Variants in CRYZL1 observed in about 807,000 individuals in gnomAD.
The protein encoded by CRYZL1 is ferry endosomal RAB5 effector complex subunit 4.
A neutral mutation model predicts 50.6 loss-of-function variants in CRYZL1; 34 were observed. The observed-to-expected ratio is 0.67, with a 90% CI of 0.51 to 0.89. CRYZL1 has a LOEUF of 0.89. Ranked by LOEUF, CRYZL1 falls within the 40% of genes least tolerant of loss-of-function variation. The pLI is 0.00. For synonymous variants in CRYZL1, 125 were observed against 134.3 expected (o/e 0.93, Z 0.48); for missense variants, 354 against 402.3 (o/e 0.88, Z 1.03).
Position 33,589,707 on chromosome 21 carries a change from CT to C in CRYZL1, c.*114del, listed in dbSNP as rs2086622294. 1.4e-6 allele frequency: 1 copy of C among 689,690 alleles called. No homozygotes were observed. The highest frequency in any genetic ancestry group is 1.8e-5 in the African/African-American group (1 of 55,376). The allele number at this position is 689,690 out of a possible 1,614,324, so 42.7% of individuals were successfully genotyped here. A position where few individuals can be genotyped will look rare whatever the true frequency, so the allele number is the denominator to read the frequency against. On this transcript the variant is annotated 3_prime_UTR_variant, in exon 13 of 13. Coordinates refer to ENST00000381554, the MANE Select transcript of CRYZL1 (RefSeq NM_145858.3). ...CATCTTGTCTTAGCAGAGAAACGTG[CT>C]TAAAAATGCAACTTGTTTTATCTTC...
chr21:33,590,286 G>A (rs1332259966), intron 12 of CRYZL1, among the ~76,000 whole-genome samples: 1 of 152,034 alleles, frequency 6.6e-6, no homozygotes, highest in Non-Finnish European at 1.5e-5. Context: ...CAAAGTGCTG[G>A]GATTACAGGC....
At position 33,616,475 on chromosome 21, in the gene CRYZL1, A is replaced by G. The variant is rs181272637; in HGVS notation, c.262+231T>C. On this transcript the variant is annotated intron_variant, in intron 5 of 12. Coordinates refer to ENST00000381554, the MANE Select transcript of CRYZL1 (RefSeq NM_145858.3). ...GCCTGGCTAATTTTGTATTTTTAGT[A>G]GAGACGAGGTTTCTCCATGTTGGTC... is the stretch of plus-strand genomic sequence containing the variant. 8.9e-3 allele frequency: 4,605 copies of G among 516,322 alleles called. 33 individuals are homozygous for G. The highest frequency in any genetic ancestry group is 0.026 in the Middle Eastern group (72 of 2,718). 32.0% of individuals were successfully genotyped at this position (516,322 alleles called of 1,614,324 possible). A position where few individuals can be genotyped will look rare whatever the true frequency, so the allele number is the denominator to read the frequency against.
chr21:33,634,624 T>C lies in CRYZL1; in HGVS notation c.-6-3067A>G, dbSNP rs370657395. 2.2e-4 allele frequency among the ~76,000 whole-genome samples: 33 copies of C among 152,080 alleles called. No homozygotes were observed. In the East Asian group the frequency reaches 3.3e-3, roughly 15 times the overall value. On this transcript the variant is annotated intron_variant, in intron 1 of 12. Coordinates refer to ENST00000381554, the MANE Select transcript of CRYZL1 (RefSeq NM_145858.3). ...TTAAATAAAAAAAAAAACAACTCTGTTCCTACTCAGTCTGGAGTTACTAGA... is the reference window on the plus strand; with the variant it reads ...TTAAATAAAAAAAAAAACAACTCTGCTCCTACTCAGTCTGGAGTTACTAGA...
At chr21:33,641,291 G>GGAA in intron 1 of CRYZL1, 1 of 1,549,478 alleles carries the variant, frequency 6.5e-7, no homozygotes, top group Non-Finnish European at 8.7e-7. Context: ...AAAGTGATGA[G>GGAA]GAAGAAAGAA....
chr21:33,625,388 C>T (rs2087049604), intron 2 of CRYZL1, among the ~76,000 whole-genome samples: 1 of 152,146 alleles, frequency 6.6e-6, no homozygotes, highest in African/African-American at 2.4e-5. Flanking sequence ...ATCTCCTGAC[C>T]TTGTGATCCG....
intron 5 of CRYZL1, chr21:33,616,491 C>T (rs755483889): frequency 1.0e-5 from 7 of 667,122 alleles, no homozygotes; most frequent in Admixed American, 3.2e-5. Context: ...GAGGTTTCTC[C>T]ATGTTGGTCA....
chr21:33,641,068 C>A, intron 1 of CRYZL1: 1 of 1,491,356 alleles, frequency 6.7e-7, no homozygotes, highest in South Asian at 1.3e-5. Flanking sequence ...TTGTACTGGA[C>A]AGAGTTCAGG....
intron 6 of CRYZL1, among the ~76,000 whole-genome samples, chr21:33,608,457 T>G (rs1039254438): frequency 6.6e-6 from 1 of 152,132 alleles, no homozygotes; most frequent in Non-Finnish European, 1.5e-5. Context: ...CTCCATCTCA[T>G]GAATAAACAA....
At chr21:33,610,095 C>T (rs937027935) in intron 6 of CRYZL1, among the ~76,000 whole-genome samples, 1 of 151,928 alleles carries the variant, frequency 6.6e-6, no homozygotes, top group Non-Finnish European at 1.5e-5. Context: ...AGCAATCCTC[C>T]TACCTCAGCC....
Position 33,597,315 on chromosome 21 carries a change from C to T in CRYZL1, c.763G>A (p.Gly255Arg). 1 of 1,613,342 alleles carries T rather than the reference C, an allele frequency of 6.2e-7. No homozygotes were observed. The highest frequency in any genetic ancestry group is 8.5e-7 in the Non-Finnish European group (1 of 1,179,376). Residue 255 changes from glycine (G) to arginine (R), a missense_variant, in exon 10 of 13, where the codon GGA becomes AGA. Transcript: ENST00000381554. ...KHDIITLLGV[G>R]GHWVTTEENL... ...TCTTCTGTTGTTACCCAGTGGCCTC[C>T]AACACCAAGAAGTGTGATGATATCA... is the stretch of plus-strand genomic sequence containing the variant.
chr21:33,638,574 T>C (rs539564969), intron 1 of CRYZL1, among the ~76,000 whole-genome samples: 1 of 152,364 alleles, frequency 6.6e-6, no homozygotes, highest in South Asian at 2.1e-4. Flanking sequence ...CTACATGGTA[T>C]AGTCAACAGT....
chr21:33,635,957 G>A (rs1482955739), intron 1 of CRYZL1, among the ~76,000 whole-genome samples: 1 of 152,028 alleles, frequency 6.6e-6, no homozygotes, highest in African/African-American at 2.4e-5. Flanking sequence ...CTCCAGCCTG[G>A]CAACACAGCG....
chr21:33,610,734 T>TG (rs1166385371), intron 6 of CRYZL1, among the ~76,000 whole-genome samples: 1 of 143,302 alleles, frequency 7.0e-6, no homozygotes. Context: ...GTTGTTTTTT[T>TG]TTTTTTTTTT....
chr21:33,632,897 T>C (rs1209043503), intron 1 of CRYZL1, among the ~76,000 whole-genome samples: 1 of 152,216 alleles, frequency 6.6e-6, no homozygotes, highest in East Asian at 1.9e-4. Context: ...AAGTTCCCTG[T>C]GTCCCCTTCT....
chr21:33,613,295 G>A (rs1330386870), intron 6 of CRYZL1, among the ~76,000 whole-genome samples: 2 of 152,164 alleles, frequency 1.3e-5, no homozygotes, highest in Admixed American at 1.3e-4. Flanking sequence ...ATCTTACCAT[G>A]AGCAGTGTTA....
At chr21:33,621,641 A>G (rs2087004039) in intron 4 of CRYZL1, among the ~76,000 whole-genome samples, 1 of 152,102 alleles carries the variant, frequency 6.6e-6, no homozygotes, top group Non-Finnish European at 1.5e-5. Flanking sequence ...GCGCCTGGCC[A>G]AAAAATCACA....
Position 33,589,894 on chromosome 21 carries a change from C to G in CRYZL1, c.978G>C (p.Leu326=). 1 of 1,609,582 alleles carries G rather than the reference C, an allele frequency of 6.2e-7. No individual in the cohort carries two copies. Among genetic ancestry groups the G allele is most frequent in the East Asian group, 2.2e-5 (1 of 44,802 alleles). ...CTTCCATGGAAACTTTTGCCTCATA[C>G]AGTGGAATGGGTTCATCCAACTGAG... is the stretch of plus-strand genomic sequence containing the variant. ...FRPQLDEPIP[L]YEAKVSMEAV... is the part of the protein sequence containing the mutation. The change falls in exon 13 of 13, where the codon CTG becomes CTC. Residue 326 remains leucine, a synonymous_variant. Coordinates refer to ENST00000381554, the MANE Select transcript of CRYZL1 (RefSeq NM_145858.3).
intron 6 of CRYZL1, among the ~76,000 whole-genome samples, chr21:33,605,527 A>ATTTTTTTTTTTTTTTTTTTTTTTTTTTT (rs1555904645): frequency 1.3e-4 from 2 of 14,834 alleles, no homozygotes; most frequent in South Asian, 3.5e-3. Context: ...CAGTACAAGA[A>ATTTTTTTTTTTTTTTTTTTTTTTTTTTT]TTCTTTTTTT....
At chr21:33,615,712 T>C (rs1265436647) in intron 5 of CRYZL1, among the ~76,000 whole-genome samples, 6 of 152,134 alleles carry the variant, frequency 3.9e-5, no homozygotes, top group Non-Finnish European at 7.3e-5. Flanking sequence ...TTACAAGAGT[T>C]GTAAGAGAAA....
Sources: gnomAD v4.1 joint callset for allele counts (sites outside exome capture counted in the v4.1 genomes callset) on GRCh38, gnomAD v4.1.1 for gene constraint, MANE v1.5 for transcripts, NCBI Gene and HGNC (gene_info 2026-07-23, HGNC 2026-07-21) for gene names.